The following IFT88 variants were observed in gnomAD, a reference collection of about 807,000 sequenced individuals.
The protein encoded by IFT88 is intraflagellar transport 88, also known as intraflagellar transport protein 88 homolog.
Under a neutral mutation model 119.5 loss-of-function variants are expected in IFT88, and 74 were observed. The ratio of observed to expected loss-of-function variants is 0.62; its 90% CI spans 0.51 to 0.75. IFT88 has a LOEUF of 0.75. Ranked by LOEUF, IFT88 falls within the 30% of genes least tolerant of loss-of-function variation. The pLI, the probability that IFT88 is intolerant of heterozygous loss-of-function variation, is 0.00. For synonymous variants in IFT88, 279 were observed against 316.7 expected (o/e 0.88, Z 1.26); for missense variants, 961 against 977.7 (o/e 0.98, Z 0.23).
At chr13:20,630,945 C>T in intron 15 of IFT88, 71 bp from the exon 16 acceptor site, 3 of 992,660 alleles carry the variant, frequency 3.0e-6, no homozygotes, top group Non-Finnish European at 4.7e-6. Flanking sequence ...GAACACTGAT[C>T]TTTTCCCCGA....
intron 25 of IFT88, 85 bp from the exon 26 acceptor site, chr13:20,690,969 T>C (rs1174994196): frequency 2.0e-6 from 3 of 1,515,276 alleles, no homozygotes; most frequent in East Asian, 2.3e-5. Flanking sequence ...CTCTGAGTTA[T>C]TCATTTTGAC....
At chr13:20,663,276 G>A in intron 22 of IFT88, 1 of 1,472,818 alleles carries the variant, frequency 6.8e-7, no homozygotes. Context: ...CTGGCAGCGT[G>A]AGGACAGGAC....
At chr13:20,667,269 C>T (rs972946895) in intron 23 of IFT88, among the ~76,000 whole-genome samples, 5 of 152,174 alleles carry the variant, frequency 3.3e-5, no homozygotes, top group African/African-American at 1.2e-4. Flanking sequence ...AAAAGTGTGT[C>T]TCCTACTTGA....
At chr13:20,627,285 C>T (rs987150901) in intron 15 of IFT88, among the ~76,000 whole-genome samples, 1 of 152,082 alleles carries the variant, frequency 6.6e-6, no homozygotes, top group Admixed American at 6.5e-5. Flanking sequence ...ATGGAAGTGA[C>T]GTGAATCAAA....
rs1038728362 is a variant in IFT88, at chr13:20,579,496, C to T, written c.91-3461C>T. Among the ~76,000 whole-genome samples the T allele has an allele frequency of 9.2e-5, 14 of 152,288 alleles. No individual in the cohort carries two copies. In the South Asian group the frequency reaches 2.5e-3, roughly 27 times the overall value. On this transcript the variant is annotated intron_variant, in intron 2 of 25. Transcript: ENST00000351808. Reference sequence around the variant, plus strand: ...TTTACTTAAGGCCCAAGGGCTATTCCTTCAGGTTTTGGTGAATTCTGCCAG... The same window carrying T: ...TTTACTTAAGGCCCAAGGGCTATTCTTTCAGGTTTTGGTGAATTCTGCCAG...
rs935220523 is a variant in IFT88, at chr13:20,630,648, C to T, written c.1300-368C>T. Among the ~76,000 whole-genome samples, 13 of 152,214 alleles carry T rather than the reference C, an allele frequency of 8.5e-5. 1 individual carries two copies. The highest frequency in any genetic ancestry group is 3.4e-3 in the Middle Eastern group (1 of 294). On this transcript the variant is annotated intron_variant, in intron 15 of 25. Coordinates refer to ENST00000351808, the MANE Select transcript of IFT88 (RefSeq NM_006531.5). ...TCCTGACCTCAAGCAATTCTCCTGC[C>T]GTGGCCTCCCAAAGTGCTGAGATTA...
At chr13:20,592,472 C>A in intron 7 of IFT88, 68 bp downstream of exon 7, 3 of 1,290,838 alleles carry the variant, frequency 2.3e-6, no homozygotes, top group Non-Finnish European at 3.3e-6. Context: ...TTTCCAAATA[C>A]ACAATTTTTT....
intron 2 of IFT88, among the ~76,000 whole-genome samples, chr13:20,575,472 G>A (rs995107294): frequency 2.6e-5 from 4 of 152,040 alleles, no homozygotes; most frequent in African/African-American, 9.7e-5. Context: ...TTATCCCCAC[G>A]CACATCTCAT....
intron 13 of IFT88, among the ~76,000 whole-genome samples, chr13:20,608,680 G>A (rs2139393162): frequency 6.6e-6 from 1 of 152,328 alleles, no homozygotes; most frequent in Middle Eastern, 3.4e-3. Context: ...CAAGGAGCCT[G>A]TGAGAATCAT....
At chr13:20,596,397 T>TTGAATG (rs2041647094) in intron 8 of IFT88, among the ~76,000 whole-genome samples, 157 bp downstream of exon 8, 1 of 152,226 alleles carries the variant, frequency 6.6e-6, no homozygotes, top group Non-Finnish European at 1.5e-5. Context: ...GTAACTCAGT[T>TTGAATG]TCATAAATTT....
intron 24 of IFT88, among the ~76,000 whole-genome samples, chr13:20,684,856 G>A (rs918900165): frequency 3.9e-5 from 6 of 152,186 alleles, no homozygotes; most frequent in African/African-American, 9.7e-5. Context: ...TCCAACTGTC[G>A]CTTCGGGGCG....
At chr13:20,606,356 G>A (rs778927526) in intron 13 of IFT88, among the ~76,000 whole-genome samples, 6 of 152,030 alleles carry the variant, frequency 3.9e-5, no homozygotes, top group Admixed American at 1.3e-4. Context: ...TTAGTAGGAC[G>A]GACTATTTGG....
intron 18 of IFT88, 137 bp from the exon 19 acceptor site, chr13:20,643,318 C>G: frequency 3.1e-6 from 2 of 642,222 alleles, no homozygotes; most frequent in South Asian, 2.2e-5. Flanking sequence ...ATCTCCACCC[C>G]TGAGATATCC....
intron 20 of IFT88, among the ~76,000 whole-genome samples, chr13:20,653,434 A>C (rs2052148669): frequency 1.3e-5 from 2 of 152,224 alleles, no homozygotes; most frequent in Non-Finnish European, 2.9e-5. Context: ...TTTAATGGAC[A>C]AAAAGGGATT....
intron 20 of IFT88, among the ~76,000 whole-genome samples, chr13:20,649,520 T>C (rs1382457441): frequency 1.3e-5 from 2 of 152,118 alleles, no homozygotes; most frequent in Non-Finnish European, 2.9e-5. Context: ...GGGAAATTTA[T>C]ATCTGTAAGT....
intron 22 of IFT88, among the ~76,000 whole-genome samples, chr13:20,656,734 G>A (rs1323230945): frequency 3.3e-5 from 5 of 152,126 alleles, no homozygotes; most frequent in African/African-American, 1.2e-4. Flanking sequence ...TTCAAAGTTT[G>A]TAAACCTGTG....
intron 24 of IFT88, among the ~76,000 whole-genome samples, chr13:20,685,705 C>T (rs942257037): frequency 6.6e-6 from 1 of 152,130 alleles, no homozygotes; most frequent in Non-Finnish European, 1.5e-5. Context: ...CATGGTGAGA[C>T]CCTGACTCTA....
At chr13:20,650,374 G>A (rs1247304190) in intron 20 of IFT88, among the ~76,000 whole-genome samples, 1 of 152,080 alleles carries the variant, frequency 6.6e-6, no homozygotes, top group Non-Finnish European at 1.5e-5. Flanking sequence ...AAAAACCCAC[G>A]TGATCAGCTC....
Position 20,663,400 on chromosome 13 carries a change from C to T in IFT88, c.2069-98C>T, listed in dbSNP as rs536229698. The stretch of plus-strand genomic sequence containing the variant: ...AAAATACTATTTGTAAGCATCATTC[C>T]TACCTGTATCCCAAAAGACTGAGTT... On this transcript the variant is annotated intron_variant, in intron 22 of 25. Coordinates refer to ENST00000351808, the MANE Select transcript of IFT88 (RefSeq NM_006531.5). The T allele has an allele frequency of 3.9e-6, 6 of 1,552,540 alleles. No individual in the cohort carries two copies. In the African/African-American group the frequency reaches 8.2e-5, roughly 21 times the overall value.
Sources: allele counts gnomAD v4.1 joint callset (sites outside exome capture counted in the v4.1 genomes callset), GRCh38; gene constraint gnomAD v4.1.1; transcripts MANE v1.5; gene names NCBI Gene and HGNC (gene_info 2026-07-23, HGNC 2026-07-21).